Variants in SP100 observed in about 807,000 individuals in gnomAD.
The protein encoded by SP100 is SP100 nuclear body protein.
In SP100, 84 loss-of-function variants were observed where a neutral mutation model predicts 130.0. That is an observed-to-expected ratio of 0.65 (90% CI 0.54 to 0.77). SP100 has a LOEUF of 0.77. Ranked by LOEUF, SP100 falls within the 30% of genes least tolerant of loss-of-function variation. The probability of loss-of-function intolerance (pLI) is 0.00; values close to 1 mark genes in which losing one functional copy is unlikely to be tolerated. For missense variants in SP100, 978 were observed against 1,052.2 expected, an observed-to-expected ratio of 0.93 and a Z score of 0.97; for synonymous variants, 331 against 351.7, an observed-to-expected ratio of 0.94 and a Z score of 0.66.
At chr2:230,425,587 C>T (rs1282289195) in intron 2 of SP100, among the ~76,000 whole-genome samples, 1 of 152,188 alleles carries the variant, frequency 6.6e-6, no homozygotes, top group African/African-American at 2.4e-5. Context: ...ATCATCCTTG[C>T]ATCCCAGGGA....
Position 230,473,347 on chromosome 2 carries a change from A to G in SP100, c.1453A>G (p.Asn485Asp). The G allele has an allele frequency of 1.9e-6, 3 of 1,613,510 alleles. No homozygotes were observed. Among genetic ancestry groups the G allele is most frequent in the Middle Eastern group, 1.7e-4 (1 of 6,058 alleles). ...AGGATCACAGCCACAAGAACCTGAA[A>G]ATAAGAAGTGCTCCTGTGTCATGTG... ...GSGSQPQEPE[N>D]KKCSCVMCFP... The change falls in exon 16 of 29, where the codon AAT becomes GAT. Residue 485 changes from asparagine (N) to aspartate (D), a missense_variant. Transcript: ENST00000340126.
At chr2:230,447,443 G>A (rs111679371) in intron 5 of SP100, among the ~76,000 whole-genome samples, 2 of 152,266 alleles carry the variant, frequency 1.3e-5, no homozygotes, top group Admixed American at 6.5e-5. Flanking sequence ...CAGGTTAAGG[G>A]CTCATTCCCA....
chr2:230,475,455 A>G (rs1366787264), intron 17 of SP100, among the ~76,000 whole-genome samples: 3 of 152,126 alleles, frequency 2.0e-5, no homozygotes, highest in Non-Finnish European at 2.9e-5. Flanking sequence ...TTATATGCAC[A>G]GTTTGCAAAA....
intron 2 of SP100, among the ~76,000 whole-genome samples, chr2:230,434,695 C>G (rs2063197027): frequency 6.6e-6 from 1 of 151,938 alleles, no homozygotes; most frequent in South Asian, 2.1e-4. Context: ...CAAAGCAGGC[C>G]TCATTGAGAA....
At chr2:230,450,319 G>A (rs140408755) in intron 8 of SP100, 64 bp downstream of exon 8, 1 of 1,177,090 alleles carries the variant, frequency 8.5e-7, no homozygotes, top group African/African-American at 1.5e-5. Context: ...CATTTGGTTG[G>A]TTGGTTGGTT....
intron 2 of SP100, 106 bp from the exon 3 acceptor site, chr2:230,442,831 A>G: frequency 1.1e-6 from 1 of 946,836 alleles, no homozygotes; most frequent in Admixed American, 2.3e-5. Context: ...CCTAATTTAT[A>G]TATGTTCATT....
At chr2:230,438,954 T>G (rs987669328) in intron 2 of SP100, among the ~76,000 whole-genome samples, 6 of 152,178 alleles carry the variant, frequency 3.9e-5, no homozygotes, top group Non-Finnish European at 8.8e-5. Context: ...GTTGTAATAG[T>G]TTACATTCCC....
At chr2:230,539,024 T>C (rs1692060494) in intron 24 of SP100, 2 of 335,616 alleles carry the variant, frequency 6.0e-6, no homozygotes, top group South Asian at 5.5e-5. Context: ...TCATCCTATT[T>C]TTGTCACTAG....
In SP100 at chr2:230,531,541, AAAAAAAG is replaced by A. The variant is rs140337501; in HGVS notation, c.2095-7713_2095-7707del. Among the ~76,000 whole-genome samples the A allele has an allele frequency of 9.0e-3, 1,369 of 152,276 alleles. 12 individuals carry two copies. Among genetic ancestry groups the A allele is most frequent in the Non-Finnish European group, 0.013 (909 of 68,022 alleles). Reference sequence around the variant, plus strand: ...GTACCCTAGAATTTAAAGTATATTTAAAAAAAGAAAAAAGAAAAATAAATTAATTAAT... The same window carrying A: ...GTACCCTAGAATTTAAAGTATATTTAAAAAAAGAAAAATAAATTAATTAAT... On this transcript the variant is annotated intron_variant, in intron 24 of 28. Transcript: ENST00000340126.
intron 8 of SP100, among the ~76,000 whole-genome samples, chr2:230,457,927 C>T (rs998859446): frequency 6.6e-6 from 1 of 152,200 alleles, no homozygotes; most frequent in Non-Finnish European, 1.5e-5. Flanking sequence ...CCAAGACACA[C>T]AGACTTTGTT....
At chr2:230,539,056 T>C in intron 24 of SP100, 1 of 403,192 alleles carries the variant, frequency 2.5e-6, no homozygotes, top group Non-Finnish European at 4.6e-6. Context: ...GAATCTCTGG[T>C]TTCATAAAGA....
intron 13 of SP100, among the ~76,000 whole-genome samples, chr2:230,468,491 GAAA>G (rs34462238): frequency 0.079 from 11,991 of 152,104 alleles, 613 homozygotes; most frequent in East Asian, 0.17. Flanking sequence ...GCAAACCTAT[GAAA>G]ACAATACTGG....
chr2:230,542,963 C>A lies in SP100; in HGVS notation c.*17C>A. 1 of 1,355,178 alleles carries A rather than the reference C, an allele frequency of 7.4e-7. No homozygotes were observed. Among genetic ancestry groups the A allele is most frequent in the Non-Finnish European group, 1.1e-6 (1 of 947,420 alleles). The allele number at this position is 1,355,178 out of a possible 1,614,324, so 83.9% of individuals were successfully genotyped here. On this transcript the variant is annotated 3_prime_UTR_variant, in exon 29 of 29. Coordinates refer to ENST00000340126, the MANE Select transcript of SP100 (RefSeq NM_001080391.2). ...TTTATTTAGCCATTCTTATCTCCTC[C>A]CTTCAGATCCTCTGGCAGCTAGCTA...
At chr2:230,485,906 G>A (rs1414767846) in intron 17 of SP100, among the ~76,000 whole-genome samples, 2 of 152,114 alleles carry the variant, frequency 1.3e-5, no homozygotes, top group East Asian at 1.9e-4. Context: ...TCTGCATTCT[G>A]TCTTCTATTC....
At chr2:230,459,015 G>T (rs1323573143) in intron 8 of SP100, among the ~76,000 whole-genome samples, 3 of 152,158 alleles carry the variant, frequency 2.0e-5, no homozygotes, top group Admixed American at 1.3e-4. Context: ...ACCTCACTTG[G>T]CATGTGAGAC....
intron 2 of SP100, among the ~76,000 whole-genome samples, chr2:230,423,404 A>C (rs906156553): frequency 1.3e-5 from 2 of 151,420 alleles, no homozygotes; most frequent in Non-Finnish European, 3.0e-5. Context: ...TTCTTGATCA[A>C]TCTTTCCATT....
intron 2 of SP100, chr2:230,440,700 G>C (rs1328478360): frequency 1.4e-6 from 1 of 728,602 alleles, no homozygotes; most frequent in Admixed American, 4.4e-5. Context: ...AAACTGATTT[G>C]AAAAGATAAT....
chr2:230,521,159 T>C (rs1479178), intron 24 of SP100, among the ~76,000 whole-genome samples: 59,509 of 152,018 alleles, frequency 0.39, 12,202 homozygotes, highest in African/African-American at 0.52. Flanking sequence ...TCTCTGCTTG[T>C]CATGTGGATG....
chr2:230,511,053 A>C, intron 23 of SP100, 72 bp from the exon 24 acceptor site: 1 of 994,360 alleles, frequency 1.0e-6, no homozygotes, highest in African/African-American at 1.6e-5. Flanking sequence ...AAAATAAAGA[A>C]GTCTGTTCAA....
Sources: allele counts gnomAD v4.1 joint callset (sites outside exome capture counted in the v4.1 genomes callset), GRCh38; gene constraint gnomAD v4.1.1; transcripts MANE v1.5; gene names NCBI Gene and HGNC (gene_info 2026-07-23, HGNC 2026-07-21).